Variants in ADAM29 observed in about 807,000 individuals in gnomAD.
ADAM29 encodes ADAM metallopeptidase domain 29.
For missense variants in ADAM29, 969 were observed against 1,001.8 expected, an observed-to-expected ratio of 0.97 and a Z score of 0.44; for synonymous variants, 367 against 342.3, an observed-to-expected ratio of 1.07 and a Z score of -0.80.
chr4:174,962,032 TAGAA>T (rs1002422941), intron 4 of ADAM29, among the ~76,000 whole-genome samples: 2 of 152,302 alleles, frequency 1.3e-5, no homozygotes, highest in East Asian at 1.9e-4. Context: ...TATGTTGTAA[TAGAA>T]AGACAAGGAA....
intron 4 of ADAM29, among the ~76,000 whole-genome samples, chr4:174,947,527 T>C (rs576493325): frequency 4.6e-5 from 7 of 152,360 alleles, no homozygotes; most frequent in African/African-American, 1.7e-4. Flanking sequence ...AAACAGGTTG[T>C]TTAAATCCCT....
intron 4 of ADAM29, among the ~76,000 whole-genome samples, chr4:174,948,835 T>C (rs1257746191): frequency 6.6e-6 from 1 of 152,088 alleles, no homozygotes; most frequent in African/African-American, 2.4e-5. Context: ...GTGATGGCAC[T>C]GTGGGGGTGA....
At chr4:174,955,285 C>T (rs539569354) in intron 4 of ADAM29, among the ~76,000 whole-genome samples, 1 of 151,806 alleles carries the variant, frequency 6.6e-6, no homozygotes, top group African/African-American at 2.4e-5. Context: ...GAAAACAACC[C>T]CTACTCCTGA....
chr4:174,943,804 A>C (rs1225859465), intron 4 of ADAM29, among the ~76,000 whole-genome samples: 1 of 80,834 alleles, frequency 1.2e-5, no homozygotes, highest in Non-Finnish European at 2.3e-5. Flanking sequence ...GAGCCTTACC[A>C]CAAATGTACA....
At position 174,976,243 on chromosome 4, in the gene ADAM29, G is replaced by T; in HGVS notation, c.718G>T (p.Gly240Cys). ...AGTGGATTCCATTTTGGATGTCATT[G>T]GTGTTAAGGTGTTATTATTTGGTTT... is the stretch of plus-strand genomic sequence containing the variant. ...NIVDSILDVI[G>C]VKVLLFGLEI... Residue 240 changes from glycine to cysteine, a missense_variant, in exon 5 of 5, where the codon GGT becomes TGT. Physicochemically the swap from Gly to Cys is radical, Grantham distance 159. Transcript: ENST00000359240. 2 of 1,603,968 alleles carry T rather than the reference G, an allele frequency of 1.2e-6. No individual in the cohort carries two copies. Among genetic ancestry groups the T allele is most frequent in the Non-Finnish European group, 1.7e-6 (2 of 1,176,936 alleles).
At chr4:174,967,137 AT>A (rs1746200742) in intron 4 of ADAM29, among the ~76,000 whole-genome samples, 1 of 152,142 alleles carries the variant, frequency 6.6e-6, no homozygotes, top group African/African-American at 2.4e-5. Flanking sequence ...AACTTCTAAC[AT>A]TTTTGAGTTT....
intron 3 of ADAM29, among the ~76,000 whole-genome samples, chr4:174,935,268 G>A (rs1427394099): frequency 6.6e-6 from 1 of 152,082 alleles, no homozygotes. Context: ...CATTAGAAAT[G>A]CATTGAATTC....
chr4:174,944,717 T>C (rs1744742334), intron 4 of ADAM29, among the ~76,000 whole-genome samples: 1 of 152,190 alleles, frequency 6.6e-6, no homozygotes, highest in Non-Finnish European at 1.5e-5. Context: ...ATGTCTGTTG[T>C]TCTATCCTTT....
At chr4:174,920,618 C>A (rs1171183415) in intron 1 of ADAM29, 69 bp from the exon 2 acceptor site, 2 of 152,082 alleles carry the variant, frequency 1.3e-5, no homozygotes. Context: ...CAAATTTTAA[C>A]TCACCATTTT....
At chr4:174,937,796 T>G (rs1173932433) in intron 4 of ADAM29, among the ~76,000 whole-genome samples, 1 of 152,088 alleles carries the variant, frequency 6.6e-6, no homozygotes, top group Non-Finnish European at 1.5e-5. Flanking sequence ...CTTTTTCATA[T>G]AAGAAGGATC....
intron 4 of ADAM29, among the ~76,000 whole-genome samples, chr4:174,962,304 A>G (rs532776378): frequency 6.8e-4 from 104 of 152,084 alleles, no homozygotes; most frequent in South Asian, 2.3e-3. Context: ...GAGGTCAGGA[A>G]ATCAAGACCA....
chr4:174,935,887 T>A (rs557803162), intron 3 of ADAM29, among the ~76,000 whole-genome samples: 1 of 152,166 alleles, frequency 6.6e-6, no homozygotes, highest in South Asian at 2.1e-4. Flanking sequence ...AATGGGCACT[T>A]CTCCAACAAG....
At chr4:174,932,841 A>C (rs1332607314) in intron 3 of ADAM29, among the ~76,000 whole-genome samples, 1 of 152,194 alleles carries the variant, frequency 6.6e-6, no homozygotes, top group Non-Finnish European at 1.5e-5. Context: ...ACAGTATGGA[A>C]CGATGAAAAG....
intron 4 of ADAM29, among the ~76,000 whole-genome samples, chr4:174,965,523 C>CT (rs1553977725): frequency 0.016 from 1,823 of 112,660 alleles, 20 homozygotes; most frequent in Middle Eastern, 0.044. Context: ...ATCTATCTAT[C>CT]ATCTATCATC....
chr4:174,923,163 C>T (rs2110894628), intron 2 of ADAM29, among the ~76,000 whole-genome samples: 1 of 152,068 alleles, frequency 6.6e-6, no homozygotes, highest in African/African-American at 2.4e-5. Flanking sequence ...TCAGGTGATT[C>T]TCCTGGCTCA....
At chr4:174,967,430 C>T (rs1453713108) in intron 4 of ADAM29, among the ~76,000 whole-genome samples, 1 of 151,948 alleles carries the variant, frequency 6.6e-6, no homozygotes, top group African/African-American at 2.4e-5. Flanking sequence ...TCCTGTCTAC[C>T]CTCTTTTGCT....
chr4:174,919,338 A>G (rs759093067), intron 1 of ADAM29, among the ~76,000 whole-genome samples: 1 of 152,200 alleles, frequency 6.6e-6, no homozygotes, highest in East Asian at 1.9e-4. Context: ...CTCATTCACT[A>G]TAGCCAACAA....
chr4:174,976,033 G>A lies in ADAM29; in HGVS notation c.508G>A (p.Glu170Lys), dbSNP rs775929618. 6.2e-7 allele frequency: 1 copy of A among 1,612,596 alleles called. No individual in the cohort carries two copies. The change falls in exon 5 of 5, where the codon GAA becomes AAA. Residue 170 changes from glutamate (E) to lysine (K), a missense_variant. Glu to Lys is a moderately conservative substitution (Grantham distance 56, BLOSUM62 1). Transcript: ENST00000359240. ...CATGAGATCCGGATTTATGCAAAATGAAATAACATGCCGAATGGAATTTGA... is the reference window on the plus strand; with the variant it reads ...CATGAGATCCGGATTTATGCAAAATAAAATAACATGCCGAATGGAATTTGA... ...STMRSGFMQNEITCRMEFEEI... is the reference protein window; with the variant it reads ...STMRSGFMQNKITCRMEFEEI...
chr4:174,949,643 C>T (rs761867547), intron 4 of ADAM29, among the ~76,000 whole-genome samples: 1 of 151,794 alleles, frequency 6.6e-6, no homozygotes, highest in Non-Finnish European at 1.5e-5. Flanking sequence ...CTCTGAAGAT[C>T]TACTTGTAGG....
Sources: gnomAD v4.1 joint callset for allele counts (sites outside exome capture counted in the v4.1 genomes callset) on GRCh38, gnomAD v4.1.1 for gene constraint, MANE v1.5 for transcripts, NCBI Gene and HGNC (gene_info 2026-07-23, HGNC 2026-07-21) for gene names.